WWOX: variants seen among roughly 807,000 people sequenced by gnomAD.
WWOX encodes WW domain-containing oxidoreductase.
A neutral mutation model predicts 46.2 loss-of-function variants in WWOX; 69 were observed. That is an observed-to-expected ratio of 1.49 (90% CI 1.23 to 1.82). WWOX has a LOEUF of 1.82. Among genes scored for constraint, WWOX ranks in the 40% most tolerant of loss-of-function variants. The pLI, the probability that WWOX is intolerant of heterozygous loss-of-function variation, is 0.00. For missense variants in WWOX, 919 were observed against 542.6 expected (o/e 1.69, Z -6.89); for synonymous variants, 359 against 202.6 (o/e 1.77, Z -6.56).
chr16:79,061,617 G>A (rs1171591274), intron 8 of WWOX, among the ~76,000 whole-genome samples: 1 of 152,222 alleles, frequency 6.6e-6, no homozygotes, highest in Admixed American at 6.5e-5. Flanking sequence ...AAGGCTGTGT[G>A]AGCACTGATC....
At chr16:78,841,088 C>G (rs1248255666) in intron 8 of WWOX, among the ~76,000 whole-genome samples, 1 of 152,108 alleles carries the variant, frequency 6.6e-6, no homozygotes, top group Non-Finnish European at 1.5e-5. Context: ...TGCCCCCAGA[C>G]ATTCATTTCG....
intron 8 of WWOX, among the ~76,000 whole-genome samples, chr16:79,095,112 G>GTGCAAA (rs1287626254): frequency 3.3e-5 from 5 of 152,146 alleles, no homozygotes; most frequent in African/African-American, 1.2e-4. Flanking sequence ...TTGCAAAGGA[G>GTGCAAA]GCTTCTCTAA....
At chr16:78,467,909 C>A (rs951368848) in intron 8 of WWOX, among the ~76,000 whole-genome samples, 1 of 152,200 alleles carries the variant, frequency 6.6e-6, no homozygotes, top group African/African-American at 2.4e-5. Context: ...ACTGATCAGC[C>A]TGGCTTCTTT....
intron 1 of WWOX, among the ~76,000 whole-genome samples, chr16:78,101,904 C>A (rs1441012388): frequency 6.6e-6 from 1 of 152,104 alleles, no homozygotes. Flanking sequence ...AGGAGCGTCC[C>A]CACGCAGTGT....
chr16:78,667,997 G>C (rs942006872), intron 8 of WWOX, among the ~76,000 whole-genome samples: 12 of 151,840 alleles, frequency 7.9e-5, no homozygotes, highest in African/African-American at 2.4e-4. Flanking sequence ...CATACAACTT[G>C]GCTGGGTGCG....
intron 8 of WWOX, among the ~76,000 whole-genome samples, chr16:78,455,516 G>T (rs1202377346): frequency 6.6e-6 from 1 of 151,612 alleles, no homozygotes; most frequent in African/African-American, 2.4e-5. Context: ...GGTAGTGTGT[G>T]CCTGTAGTCC....
At chr16:78,736,270 G>A (rs1052694729) in intron 8 of WWOX, among the ~76,000 whole-genome samples, 3 of 152,200 alleles carry the variant, frequency 2.0e-5, no homozygotes, top group Admixed American at 2.0e-4. Context: ...GTACCTTCGT[G>A]TCGGACAGTC....
At chr16:79,039,583 G>A (rs936160654) in intron 8 of WWOX, among the ~76,000 whole-genome samples, 3 of 152,218 alleles carry the variant, frequency 2.0e-5, no homozygotes, top group Admixed American at 6.5e-5. Context: ...ACTGTTGCCA[G>A]ATGCCAGCAC....
rs1486299588 is a variant in WWOX at position 79,018,991 on chromosome 16, A to C, written c.1057-192617A>C. On this transcript the variant is annotated intron_variant, in intron 8 of 8. Coordinates refer to ENST00000566780, the MANE Select transcript of WWOX (RefSeq NM_016373.4). The stretch of plus-strand genomic sequence containing the variant: ...CATGGCAAAACCCCATCTCTACAAA[A>C]AATTTTAAAAATTTAGCCGGGCAGG... Among the ~76,000 whole-genome samples the C allele has an allele frequency of 4.0e-5, 6 of 151,716 alleles. No individual in the cohort carries two copies. In the East Asian group the frequency reaches 7.8e-4, roughly 20 times the overall value.
intron 8 of WWOX, among the ~76,000 whole-genome samples, chr16:78,853,755 A>G (rs1174255433): frequency 6.6e-6 from 1 of 152,210 alleles, no homozygotes; most frequent in African/African-American, 2.4e-5. Flanking sequence ...GTAAGCATGT[A>G]TCTACATCCC....
chr16:78,475,334 T>G (rs2084326777), intron 8 of WWOX, among the ~76,000 whole-genome samples: 1 of 152,222 alleles, frequency 6.6e-6, no homozygotes. Flanking sequence ...TCACCCAGAT[T>G]GGCTGCATCA....
chr16:78,822,564 A>T (rs1167999224), intron 8 of WWOX, among the ~76,000 whole-genome samples: 2 of 152,150 alleles, frequency 1.3e-5, no homozygotes, highest in East Asian at 3.9e-4. Context: ...CCCACCTAGA[A>T]TTCTAAATAT....
chr16:78,392,361 A>G (rs1483248461), intron 6 of WWOX, among the ~76,000 whole-genome samples: 5 of 152,160 alleles, frequency 3.3e-5, no homozygotes, highest in Non-Finnish European at 2.9e-5. Context: ...ATCACCTTCA[A>G]GATGGGATTG....
intron 5 of WWOX, among the ~76,000 whole-genome samples, chr16:78,333,262 C>A (rs574586064): frequency 2.8e-4 from 43 of 151,948 alleles, no homozygotes; most frequent in African/African-American, 1.0e-3. Context: ...GTTGGCCAGG[C>A]TTGTCTCAAC....
intron 8 of WWOX, among the ~76,000 whole-genome samples, chr16:78,688,007 C>A (rs1001803087): frequency 6.6e-6 from 1 of 152,094 alleles, no homozygotes; most frequent in East Asian, 1.9e-4. Flanking sequence ...CTGCCAATTG[C>A]TGCCGAAACA....
At chr16:79,186,471 C>G (rs2051017653) in intron 8 of WWOX, among the ~76,000 whole-genome samples, 1 of 152,206 alleles carries the variant, frequency 6.6e-6, no homozygotes, top group African/African-American at 2.4e-5. Context: ...CTGTGTGTTT[C>G]TGGATCTCTT....
At chr16:78,730,657 G>C (rs1043790421) in intron 8 of WWOX, among the ~76,000 whole-genome samples, 4 of 140,580 alleles carry the variant, frequency 2.8e-5, no homozygotes, top group African/African-American at 7.8e-5. Flanking sequence ...ACAGGGTCTT[G>C]CTGTGTTGCC....
rs191529772 is a variant in WWOX at position 78,986,475 on chromosome 16, A to C, written c.1057-225133A>C. On this transcript the variant is annotated intron_variant, in intron 8 of 8. Transcript: ENST00000566780. ...AGTAGGTTGGGGCTGTGCTGATTGT[A>C]CCACTCTTTGGATTTTAGTGGATTT... Among the ~76,000 whole-genome samples, 257 of 152,272 alleles carry C rather than the reference A, an allele frequency of 1.7e-3. 2 individuals carry two copies. The highest frequency in any genetic ancestry group is 5.8e-3 in the African/African-American group (243 of 41,564).
At chr16:78,173,740 A>T (rs1422057447) in intron 5 of WWOX, among the ~76,000 whole-genome samples, 3 of 152,172 alleles carry the variant, frequency 2.0e-5, no homozygotes, top group African/African-American at 7.2e-5. Flanking sequence ...TATACTCATA[A>T]ATCTTGTTGG....
Sources: allele counts gnomAD v4.1 joint callset (sites outside exome capture counted in the v4.1 genomes callset), GRCh38; gene constraint gnomAD v4.1.1; transcripts MANE v1.5; gene names NCBI Gene and HGNC (gene_info 2026-07-23, HGNC 2026-07-21).